The following LEPR variants were observed in gnomAD, a reference collection of about 807,000 sequenced individuals.
LEPR encodes the protein OB receptor.
In LEPR, 56 loss-of-function variants were observed where a neutral mutation model predicts 114.7. The ratio of observed to expected loss-of-function variants is 0.49; its 90% CI spans 0.39 to 0.61. The LOEUF (loss-of-function observed/expected upper bound fraction) is 0.61, where lower values mean the gene tolerates loss of function less well. LEPR is among the 20% of genes least tolerant of loss of function. The probability of loss-of-function intolerance (pLI) is 0.00; values close to 1 mark genes in which losing one functional copy is unlikely to be tolerated. For synonymous variants in LEPR, 443 were observed against 461.4 expected (o/e 0.96, Z 0.51); for missense variants, 1,202 against 1,352.9 (o/e 0.89, Z 1.75).
chr1:65,564,339 C>T (rs1285672993), intron 2 of LEPR, among the ~76,000 whole-genome samples: 2 of 142,708 alleles, frequency 1.4e-5, no homozygotes, highest in Non-Finnish European at 3.1e-5. Context: ...TCACCCCTTT[C>T]TTTGACTCGG....
intron 10 of LEPR, among the ~76,000 whole-genome samples, chr1:65,604,006 T>A (rs1656638403): frequency 6.6e-6 from 1 of 152,172 alleles, no homozygotes; most frequent in Non-Finnish European, 1.5e-5. Flanking sequence ...TTTAATTCTT[T>A]CTTCAAAGTG....
chr1:65,611,964 A>G (rs1657198568), intron 14 of LEPR, among the ~76,000 whole-genome samples: 3 of 152,148 alleles, frequency 2.0e-5, no homozygotes, highest in Non-Finnish European at 2.9e-5. Flanking sequence ...GGGAGACAGG[A>G]CCCTTGCTAA....
At chr1:65,507,155 A>T (rs2100541709) in intron 2 of LEPR, among the ~76,000 whole-genome samples, 1 of 152,008 alleles carries the variant, frequency 6.6e-6, no homozygotes, top group African/African-American at 2.4e-5. Flanking sequence ...GGTTCAAACG[A>T]TCCTCCTGCT....
At chr1:65,565,249 T>C (rs1236792977) in intron 2 of LEPR, among the ~76,000 whole-genome samples, 1 of 152,212 alleles carries the variant, frequency 6.6e-6, no homozygotes, top group Non-Finnish European at 1.5e-5. Flanking sequence ...AGCACTTGCA[T>C]TTAGTTAAAA....
At chr1:65,465,004 T>C (rs1033823820) in intron 2 of LEPR, among the ~76,000 whole-genome samples, 14 of 152,106 alleles carry the variant, frequency 9.2e-5, no homozygotes, top group Non-Finnish European at 1.9e-4. Context: ...TTTTGAAGGG[T>C]TTTTTGTGTC....
At chr1:65,554,942 A>G (rs964176863) in intron 2 of LEPR, among the ~76,000 whole-genome samples, 1 of 151,962 alleles carries the variant, frequency 6.6e-6, no homozygotes, top group Non-Finnish European at 1.5e-5. Flanking sequence ...ACAGTCCTTC[A>G]TGGCTTCCCT....
chr1:65,621,339 T>C lies in LEPR; in HGVS notation c.2492-14T>C, dbSNP rs1657873102. Reference sequence around the variant, plus strand: ...TCAAGTTTCTGAGTTGTGTAAATTGTATTTCTTTTTCAGATGATATTGAAA... The same window carrying C: ...TCAAGTTTCTGAGTTGTGTAAATTGCATTTCTTTTTCAGATGATATTGAAA... On this transcript the variant is annotated splice_polypyrimidine_tract_variant and intron_variant, in intron 17 of 19. Coordinates refer to ENST00000349533, the MANE Select transcript of LEPR (RefSeq NM_002303.6). The C allele has an allele frequency of 6.2e-7, 1 of 1,603,296 alleles. No individual in the cohort carries two copies. Among genetic ancestry groups the C allele is most frequent in the African/African-American group, 1.3e-5 (1 of 74,668 alleles).
rs1274469032 is a variant in LEPR, at chr1:65,444,203, C to T, written c.-21+18825C>T. Among the ~76,000 whole-genome samples, 2 of 29,500 alleles carry T rather than the reference C, an allele frequency of 6.8e-5. 1 individual carries two copies. Among genetic ancestry groups the T allele is most frequent in the African/African-American group, 2.1e-4 (2 of 9,674 alleles). 19.4% of individuals were successfully genotyped at this position (29,500 alleles called of 152,430 possible). On this transcript the variant is annotated intron_variant, in intron 2 of 19. Transcript: ENST00000349533. ...ATTCCCACCTATGAGTGAGAATATG[C>T]GGTGTTAAGACCTGATACTTTTAAA...
intron 5 of LEPR, among the ~76,000 whole-genome samples, chr1:65,588,412 GGTATA>G (rs1185371795): frequency 2.0e-5 from 3 of 151,444 alleles, no homozygotes; most frequent in African/African-American, 7.3e-5. Context: ...GTTTTATTGA[GGTATA>G]GTTGATATAT....
At chr1:65,505,244 G>A (rs1230481245) in intron 2 of LEPR, among the ~76,000 whole-genome samples, 1 of 152,056 alleles carries the variant, frequency 6.6e-6, no homozygotes, top group Non-Finnish European at 1.5e-5. Context: ...TACACTATTG[G>A]ATATTGAGCT....
intron 2 of LEPR, among the ~76,000 whole-genome samples, chr1:65,447,757 T>C (rs1646732234): frequency 6.6e-6 from 1 of 152,142 alleles, no homozygotes; most frequent in African/African-American, 2.4e-5. Flanking sequence ...CAGACTGGTC[T>C]CAAGCTCCTG....
At chr1:65,497,728 A>G (rs1648237569) in intron 2 of LEPR, among the ~76,000 whole-genome samples, 1 of 152,096 alleles carries the variant, frequency 6.6e-6, no homozygotes, top group Non-Finnish European at 1.5e-5. Flanking sequence ...ATTTTCCTGT[A>G]TTTGCTCTTC....
At chr1:65,576,906 C>T in intron 5 of LEPR, 1 of 353,752 alleles carries the variant, frequency 2.8e-6, no homozygotes, top group South Asian at 2.9e-5. Flanking sequence ...GATATCCATG[C>T]CAGTATCATA....
chr1:65,465,286 T>A lies in LEPR; in HGVS notation c.-21+39908T>A, dbSNP rs571091831. On this transcript the variant is annotated intron_variant, in intron 2 of 19. Transcript: ENST00000349533. ...TCTGCCTTTATTTTGTAATTTACCCTGTAGTCATTCAGGAGCAAGTTGTTC... is the reference window on the plus strand; with the variant it reads ...TCTGCCTTTATTTTGTAATTTACCCAGTAGTCATTCAGGAGCAAGTTGTTC... 1.1e-3 allele frequency among the ~76,000 whole-genome samples: 169 copies of A among 152,290 alleles called. 1 individual carries two copies. Among genetic ancestry groups the A allele is most frequent in the African/African-American group, 3.7e-3 (155 of 41,570 alleles).
At chr1:65,435,772 C>T in intron 2 of LEPR, 1 of 980,904 alleles carries the variant, frequency 1.0e-6, no homozygotes, top group Non-Finnish European at 1.2e-6. Context: ...TAGTTCACAA[C>T]TGAGAAATAT....
chr1:65,608,830 C>A lies in LEPR; in HGVS notation c.1681C>A (p.Pro561Thr). 6.2e-7 allele frequency: 1 copy of A among 1,613,632 alleles called. No individual in the cohort carries two copies. The highest frequency in any genetic ancestry group is 1.7e-4 in the Middle Eastern group (1 of 6,054). The change falls in exon 12 of 20, where the codon CCA becomes ACA. Residue 561 changes from proline to threonine, a missense_variant. By Grantham distance (38) the Pro-to-Thr change is conservative (BLOSUM62 -1). Transcript: ENST00000349533. Reference protein sequence around the residue: ...IGLLKISWEKPVFPENNLQFQ... With the variant: ...IGLLKISWEKTVFPENNLQFQ... ...ATTATTGAAAATATCTTGGGAAAAGCCAGTCTTTCCAGAGAATAACCTTCA... is the reference window on the plus strand; with the variant it reads ...ATTATTGAAAATATCTTGGGAAAAGACAGTCTTTCCAGAGAATAACCTTCA...
intron 2 of LEPR, among the ~76,000 whole-genome samples, chr1:65,563,315 C>T (rs199990140): frequency 0.11 from 5,669 of 53,236 alleles, no homozygotes; most frequent in East Asian, 0.22. Context: ...CATCTTCCAT[C>T]GCTGATACCC....
At chr1:65,532,504 A>G (rs1252866057) in intron 2 of LEPR, among the ~76,000 whole-genome samples, 1 of 152,208 alleles carries the variant, frequency 6.6e-6, no homozygotes, top group Non-Finnish European at 1.5e-5. Flanking sequence ...ATGGATGAAA[A>G]TATACATCCA....
chr1:65,536,278 A>G (rs1320477302), intron 2 of LEPR, among the ~76,000 whole-genome samples: 2 of 152,108 alleles, frequency 1.3e-5, no homozygotes, highest in African/African-American at 4.8e-5. Flanking sequence ...TGCTGTCACT[A>G]TGTGATCTCT....
Sources: gnomAD v4.1 joint callset for allele counts (sites outside exome capture counted in the v4.1 genomes callset) on GRCh38, gnomAD v4.1.1 for gene constraint, MANE v1.5 for transcripts, NCBI Gene and HGNC (gene_info 2026-07-23, HGNC 2026-07-21) for gene names.